Variants in CYB561A3 observed in about 807,000 individuals in gnomAD.
CYB561A3 encodes cytochrome b561 family member A3, also known as lysosomal membrane ascorbate-dependent ferrireductase CYB561A3.
A neutral mutation model predicts 25.3 loss-of-function variants in CYB561A3; 16 were observed. That is an observed-to-expected ratio of 0.63 (90% CI 0.43 to 0.96). The LOEUF (loss-of-function observed/expected upper bound fraction) is 0.96, where lower values mean the gene tolerates loss of function less well. CYB561A3 is among the 40% of genes least tolerant of loss of function. The probability of loss-of-function intolerance (pLI) is 0.00; values close to 1 mark genes in which losing one functional copy is unlikely to be tolerated. For synonymous variants in CYB561A3, 131 were observed against 129.9 expected (o/e 1.01, Z -0.06); for missense variants, 219 against 307.5 (o/e 0.71, Z 2.15).
chr11:61,349,272 G>T lies in CYB561A3; in HGVS notation c.*1127C>A. On this transcript the variant is annotated 3_prime_UTR_variant, in exon 7 of 7. Coordinates refer to ENST00000294072, the MANE Select transcript of CYB561A3 (RefSeq NM_153611.6). ...TGGGCCAGGCAAGCAGCCATGGTGG[G>T]GCCAGGTGAAGCAATGTGGGTCTCA... The T allele has an allele frequency of 2.3e-6, 1 of 429,660 alleles. No homozygotes were observed. Among genetic ancestry groups the T allele is most frequent in the Non-Finnish European group, 4.4e-6 (1 of 228,368 alleles). The allele number at this position is 429,660 out of a possible 1,614,324, so 26.6% of individuals were successfully genotyped here.
intron 3 of CYB561A3, among the ~76,000 whole-genome samples, chr11:61,354,956 C>T (rs1262102840): frequency 6.6e-6 from 1 of 151,692 alleles, no homozygotes; most frequent in Non-Finnish European, 1.5e-5. Context: ...GCAAGCTCCG[C>T]CTCCCGGGTT....
intron 2 of CYB561A3, chr11:61,357,309 C>A (rs980695793): frequency 1.5e-6 from 2 of 1,357,530 alleles, no homozygotes; most frequent in Admixed American, 2.3e-5. Context: ...CCACACTCCA[C>A]ACCTTGAACC....
intron 6 of CYB561A3, 106 bp from the exon 7 acceptor site, chr11:61,350,528 A>C (rs1302290658): frequency 7.0e-7 from 1 of 1,435,634 alleles, no homozygotes; most frequent in Non-Finnish European, 9.6e-7. Context: ...TCCCCATCCA[A>C]GCCACCAAAT....
intron 5 of CYB561A3, 42 bp from the exon 6 acceptor site, chr11:61,351,189 C>T (rs1857390614): frequency 6.4e-7 from 1 of 1,566,262 alleles, no homozygotes; most frequent in South Asian, 1.2e-5. Context: ...GAGATTTTTC[C>T]ACCTATTTTT....
chr11:61,349,259 G>C lies in CYB561A3; in HGVS notation c.*1140C>G. On this transcript the variant is annotated 3_prime_UTR_variant, in exon 7 of 7. Coordinates refer to ENST00000294072, the MANE Select transcript of CYB561A3 (RefSeq NM_153611.6). ...CAGAACGCTAGGTTGGGCCAGGCAA[G>C]CAGCCATGGTGGGGCCAGGTGAAGC... 1 of 404,010 alleles carries C rather than the reference G, an allele frequency of 2.5e-6. No homozygotes were observed. The highest frequency in any genetic ancestry group is 2.5e-5 in the South Asian group (1 of 39,698). The allele number at this position is 404,010 out of a possible 1,614,324, so 25.0% of individuals were successfully genotyped here.
In CYB561A3 at chr11:61,349,668, C is replaced by T. The variant is rs1342318872; in HGVS notation, c.*731G>A. 2 of 702,658 alleles carry T rather than the reference C, an allele frequency of 2.8e-6. No homozygotes were observed. Among genetic ancestry groups the T allele is most frequent in the South Asian group, 3.0e-5 (2 of 67,536 alleles). 43.5% of individuals were successfully genotyped at this position (702,658 alleles called of 1,614,324 possible). ...GCTGGAAGAGGTGGAGCCGCACGGT[C>T]ACAATACATGCAGACACAGAGCAGC... On this transcript the variant is annotated 3_prime_UTR_variant, in exon 7 of 7. Coordinates refer to ENST00000294072, the MANE Select transcript of CYB561A3 (RefSeq NM_153611.6).
At chr11:61,358,803 T>G (rs531505876) in intron 1 of CYB561A3, 1 of 152,404 alleles carries the variant, frequency 6.6e-6, no homozygotes, top group East Asian at 1.9e-4. Flanking sequence ...ATGCAGCTCA[T>G]GTTCCTTGTG....
chr11:61,352,078 A>G (rs1475011250), intron 5 of CYB561A3: 1 of 152,206 alleles, frequency 6.6e-6, no homozygotes, highest in Non-Finnish European at 1.5e-5. Flanking sequence ...AAGCAATGAA[A>G]TTAACTTGCC....
intron 5 of CYB561A3, chr11:61,351,836 T>C (rs1857424912): frequency 6.6e-6 from 1 of 152,130 alleles, no homozygotes; most frequent in Admixed American, 6.5e-5. Flanking sequence ...ATCGCTTGAG[T>C]GCAGGAGTTT....
At chr11:61,352,795 C>G (rs1277156224) in intron 5 of CYB561A3, 190 bp downstream of exon 5, 11 of 1,437,706 alleles carry the variant, frequency 7.7e-6, no homozygotes, top group Admixed American at 2.8e-5. Flanking sequence ...CAAACTGATG[C>G]TCAATAAATA....
chr11:61,356,451 A>G, intron 3 of CYB561A3, 79 bp downstream of exon 3: 3 of 1,446,658 alleles, frequency 2.1e-6, no homozygotes, highest in Non-Finnish European at 2.8e-6. Flanking sequence ...ACATTTACAA[A>G]GGCCAGCCTT....
intron 3 of CYB561A3, among the ~76,000 whole-genome samples, chr11:61,354,955 G>A (rs894139828): frequency 2.0e-5 from 3 of 146,418 alleles, no homozygotes; most frequent in Non-Finnish European, 3.0e-5. Flanking sequence ...TGCAAGCTCC[G>A]CCTCCCGGGT....
intron 1 of CYB561A3, chr11:61,358,328 G>A (rs551296371): frequency 1.3e-5 from 2 of 151,040 alleles, no homozygotes; most frequent in South Asian, 2.1e-4. Flanking sequence ...GCTGAGGCAG[G>A]AGAATTGCTT....
intron 1 of CYB561A3, chr11:61,361,204 A>C (rs538766999): frequency 6.6e-6 from 1 of 152,306 alleles, no homozygotes; most frequent in Admixed American, 6.5e-5. Context: ...GGCCCAAAAC[A>C]AGAAAATGAC....
In CYB561A3 at chr11:61,353,894, C is replaced by G; in HGVS notation, c.283G>C (p.Val95Leu). ...GTAAAGACAGCAACCAGCCCCACAA[C>G]AGTGAGGACGAAGGCCATCAGGTGC... ...ALHLMAFVLTVVGLVAVFTFH... is the reference protein window; with the variant it reads ...ALHLMAFVLTLVGLVAVFTFH... Residue 95 changes from valine to leucine, a missense_variant, in exon 4 of 7, where the codon GTT becomes CTT. Physicochemically the swap from Val to Leu is conservative, Grantham distance 32. Transcript: ENST00000294072. The G allele has an allele frequency of 6.2e-7, 1 of 1,614,204 alleles. No homozygotes were observed. The highest frequency in any genetic ancestry group is 8.5e-7 in the Non-Finnish European group (1 of 1,180,040).
intron 2 of CYB561A3, chr11:61,357,298 C>A: frequency 6.9e-7 from 1 of 1,453,984 alleles, no homozygotes; most frequent in Non-Finnish European, 9.4e-7. Flanking sequence ...CACTCCACTG[C>A]CCACACTCCA....
rs185712346 is a variant in CYB561A3 at position 61,350,927 on chromosome 11, C to T, written c.705+64G>A. On this transcript the variant is annotated intron_variant, in intron 6 of 6. Transcript: ENST00000294072. ...TCTTCTTGTCAAGGCCCCAGCCTTT[C>T]GTGGGAGATCCTTCTCTAGACCTGG... 4.7e-3 allele frequency: 7,283 copies of T among 1,534,286 alleles called. 28 individuals carry two copies. The highest frequency in any genetic ancestry group is 8.0e-3 in the Middle Eastern group (36 of 4,484).
chr11:61,350,396 G>C lies in CYB561A3; in HGVS notation c.*3C>G, dbSNP rs1294692896. ...GAGCTCTTGGGAGCCCCTTCCTGCTGCTTCACTCCCCATCATGCAGCAGGG... is the reference window on the plus strand; with the variant it reads ...GAGCTCTTGGGAGCCCCTTCCTGCTCCTTCACTCCCCATCATGCAGCAGGG... On this transcript the variant is annotated 3_prime_UTR_variant, in exon 7 of 7. Transcript: ENST00000294072. 3.7e-6 allele frequency: 6 copies of C among 1,609,864 alleles called. No individual in the cohort carries two copies. The Admixed American group carries it at 8.4e-5, about 23-fold the overall frequency.
Position 61,351,137 on chromosome 11 carries a change from T to A in CYB561A3, c.559A>T (p.Thr187Ser), listed in dbSNP as rs767938264. The change falls in exon 6 of 7, where the codon ACC (threonine) becomes TCC (serine). Residue 187 changes from threonine (T) to serine (S), a missense_variant. Thr to Ser is a moderately conservative substitution (Grantham distance 58, BLOSUM62 1). Coordinates refer to ENST00000294072, the MANE Select transcript of CYB561A3 (RefSeq NM_153611.6). Reference protein sequence around the residue: ...EKLFFSLKNTTRPYHSLPSEA... With the variant: ...EKLFFSLKNTSRPYHSLPSEA... ...CTGGGCAGGCTGTGGTATGGCCTGG[T>A]GGTGTTTTTCCTGAAGATGACAAAA... 6.2e-7 allele frequency: 1 copy of A among 1,608,236 alleles called. No individual in the cohort carries two copies. Among genetic ancestry groups the A allele is most frequent in the African/African-American group, 1.3e-5 (1 of 74,580 alleles).
Sources: gnomAD v4.1 joint callset for allele counts (sites outside exome capture counted in the v4.1 genomes callset) on GRCh38, gnomAD v4.1.1 for gene constraint, MANE v1.5 for transcripts, NCBI Gene and HGNC (gene_info 2026-07-23, HGNC 2026-07-21) for gene names.